Variants in NEMP2 observed in about 807,000 individuals in gnomAD.
NEMP2 encodes nuclear envelope integral membrane protein 2.
NEMP2 carries 53 observed loss-of-function variants against 54.2 expected under a neutral mutation model. That is an observed-to-expected ratio of 0.98 (90% CI 0.78 to 1.23). NEMP2 has a LOEUF of 1.23. Among genes scored for constraint, NEMP2 ranks in the 50% most tolerant of loss-of-function variants. The probability of loss-of-function intolerance (pLI) is 0.00; values close to 1 mark genes in which losing one functional copy is unlikely to be tolerated. For synonymous variants in NEMP2, 197 were observed against 190.3 expected, an observed-to-expected ratio of 1.04 and a Z score of -0.29; for missense variants, 455 against 511.3, an observed-to-expected ratio of 0.89 and a Z score of 1.06.
chr2:190,484,317 T>C, the NEMP2 span, among the ~76,000 whole-genome samples: 4 of 152,220 alleles, frequency 2.6e-5, no homozygotes, highest in African/African-American at 9.6e-5. Flanking sequence ...TGTAAACACA[T>C]TTACCCATGC....
chr2:190,485,967 A>G, the NEMP2 span, among the ~76,000 whole-genome samples: 1 of 152,224 alleles, frequency 6.6e-6, no homozygotes, highest in East Asian at 1.9e-4. This position sits in a 1 kb window ranked among gnomAD's most constrained non-coding sequence, Gnocchi z 5.1. Flanking sequence ...CATCCCTGAT[A>G]ATTTTTTTAT....
the NEMP2 span, among the ~76,000 whole-genome samples, chr2:190,616,153 G>C: frequency 6.6e-6 from 1 of 152,236 alleles, no homozygotes; most frequent in Non-Finnish European, 1.5e-5. This position sits in a 1 kb window ranked among gnomAD's most constrained non-coding sequence, Gnocchi z 5.1. Flanking sequence ...GGAGAAAGCA[G>C]CTGCTCAAAT....
rs769494848 is a variant in NEMP2, at chr2:190,513,598, A to C, written c.953+855T>G. Among the ~76,000 whole-genome samples the C allele has an allele frequency of 6.6e-6, 1 of 152,246 alleles. No homozygotes were observed. The highest frequency in any genetic ancestry group is 1.5e-5 in the Non-Finnish European group (1 of 68,050). ...AGATTGCTTAGCATGGCTGCCATGC[A>C]TCTGGCCCATGCCCACCTTGCTTGC... On this transcript the variant is annotated intron_variant, in intron 7 of 8. Coordinates refer to ENST00000409150, the MANE Select transcript of NEMP2 (RefSeq NM_001142645.2). This position sits in a 1 kb window ranked among gnomAD's most constrained non-coding sequence, Gnocchi z 5.3.
chr2:190,534,253 G>A, intron 1 of NEMP2: 1 of 1,118,018 alleles, frequency 8.9e-7, no homozygotes, highest in Non-Finnish European at 1.1e-6. Context: ...GTGACCCTGG[G>A]CAAATCAAAA....
intron 1 of NEMP2, among the ~76,000 whole-genome samples, chr2:190,526,096 G>A (rs1690925933): frequency 6.6e-6 from 1 of 152,146 alleles, no homozygotes; most frequent in Non-Finnish European, 1.5e-5. Context: ...AAGTTCCTAG[G>A]CACCAACAAG....
chr2:190,427,635 T>C, the NEMP2 span, among the ~76,000 whole-genome samples: 1 of 152,236 alleles, frequency 6.6e-6, no homozygotes, highest in Non-Finnish European at 1.5e-5. Flanking sequence ...ATGTTTACTT[T>C]ATATATTATT....
the NEMP2 span, among the ~76,000 whole-genome samples, chr2:190,446,541 T>C: frequency 6.6e-6 from 1 of 152,046 alleles, no homozygotes; most frequent in Non-Finnish European, 1.5e-5. Flanking sequence ...GGGATCTGAG[T>C]TGGAAAAAAA....
chr2:190,635,945 C>G, the NEMP2 span, among the ~76,000 whole-genome samples: 1 of 152,224 alleles, frequency 6.6e-6, no homozygotes, highest in Non-Finnish European at 1.5e-5. The surrounding 1 kb of genome is among the most constrained non-coding windows in gnomAD (Gnocchi z 4.1). Flanking sequence ...TAGCTCACGG[C>G]AGCCTTGGAC....
the NEMP2 span, among the ~76,000 whole-genome samples, chr2:190,467,262 A>C: frequency 1.3e-5 from 2 of 152,216 alleles, no homozygotes; most frequent in African/African-American, 4.8e-5. The surrounding 1 kb of genome is among the most constrained non-coding windows in gnomAD (Gnocchi z 5.5). Flanking sequence ...TTATTGAGAT[A>C]GGTGTGGGCC....
chr2:190,489,503 G>A, the NEMP2 span, among the ~76,000 whole-genome samples: 1 of 152,200 alleles, frequency 6.6e-6, no homozygotes, highest in African/African-American at 2.4e-5. The surrounding 1 kb of genome is among the most constrained non-coding windows in gnomAD (Gnocchi z 6.6). Flanking sequence ...AATTGTATGA[G>A]TCATGGTGAA....
At chr2:190,457,018 A>T in the NEMP2 span, among the ~76,000 whole-genome samples, 1 of 152,138 alleles carries the variant, frequency 6.6e-6, no homozygotes, top group Non-Finnish European at 1.5e-5. The surrounding 1 kb of genome is among the most constrained non-coding windows in gnomAD (Gnocchi z 5.1). Context: ...AGCTTCCTTA[A>T]TCCGCGCGCA....
chr2:190,593,938 G>A, the NEMP2 span, among the ~76,000 whole-genome samples: 1 of 152,146 alleles, frequency 6.6e-6, no homozygotes, highest in Non-Finnish European at 1.5e-5. This position sits in a 1 kb window ranked among gnomAD's most constrained non-coding sequence, Gnocchi z 4.5. Context: ...GAAGCCAGTG[G>A]GATCTTTATT....
At chr2:190,539,391 C>A (rs374102229), upstream of NEMP2, among the ~76,000 whole-genome samples, 9 of 152,234 alleles carry the variant, frequency 5.9e-5, 2 homozygotes, top group South Asian at 2.1e-4. The surrounding 1 kb of genome is among the most constrained non-coding windows in gnomAD (Gnocchi z 4.1). Context: ...ATGATGTCTC[C>A]AGCTTTGTTC....
At chr2:190,475,320 C>T in the NEMP2 span, among the ~76,000 whole-genome samples, 30 of 152,120 alleles carry the variant, frequency 2.0e-4, no homozygotes, top group South Asian at 1.9e-3. Context: ...AAAACCCCAT[C>T]GTCTCAGCCC....
chr2:190,444,937 T>A, the NEMP2 span: 2 of 739,124 alleles, frequency 2.7e-6, no homozygotes, highest in African/African-American at 1.9e-5. Context: ...TCTTGGTAAA[T>A]TAACTGTAGC....
the NEMP2 span, among the ~76,000 whole-genome samples, chr2:190,647,447 A>C: frequency 6.6e-6 from 1 of 152,136 alleles, no homozygotes; most frequent in South Asian, 2.1e-4. Context: ...TTGTATCCCC[A>C]TCAGCGAAGT....
the NEMP2 span, among the ~76,000 whole-genome samples, chr2:190,541,535 G>A: frequency 6.6e-6 from 1 of 152,094 alleles, no homozygotes; most frequent in African/African-American, 2.4e-5. The surrounding 1 kb of genome is among the most constrained non-coding windows in gnomAD (Gnocchi z 5.2). Flanking sequence ...GAAGCAAGTT[G>A]TTTAATTTTA....
At chr2:190,443,300 C>T in the NEMP2 span, among the ~76,000 whole-genome samples, 5 of 152,262 alleles carry the variant, frequency 3.3e-5, no homozygotes, top group East Asian at 9.6e-4. The surrounding 1 kb of genome is among the most constrained non-coding windows in gnomAD (Gnocchi z 4.2). Flanking sequence ...GGACAAGTTA[C>T]AGAACTTTTT....
At chr2:190,596,191 T>C in the NEMP2 span, among the ~76,000 whole-genome samples, 4 of 151,610 alleles carry the variant, frequency 2.6e-5, no homozygotes, top group Non-Finnish European at 5.9e-5. The surrounding 1 kb of genome is among the most constrained non-coding windows in gnomAD (Gnocchi z 5.1). Context: ...TAAGTGGGAG[T>C]TGAACAATGA....
Sources: allele counts gnomAD v4.1 joint callset (sites outside exome capture counted in the v4.1 genomes callset), GRCh38; gene constraint gnomAD v4.1.1; non-coding constraint Gnocchi (gnomAD v3.1); transcripts MANE v1.5; gene names NCBI Gene and HGNC (gene_info 2026-07-23, HGNC 2026-07-21).